The following MAGI2 variants were observed in gnomAD, a reference collection of about 807,000 sequenced individuals.
MAGI2 encodes the protein membrane-associated guanylate kinase, WW and PDZ domain-containing protein 2.
Under a neutral mutation model 133.3 loss-of-function variants are expected in MAGI2, and 35 were observed. The ratio of observed to expected loss-of-function variants is 0.26; its 90% CI spans 0.20 to 0.35. The LOEUF is 0.35. MAGI2 is among the 10% of genes least tolerant of loss of function. The probability of loss-of-function intolerance (pLI) is 1.00; values close to 1 mark genes in which losing one functional copy is unlikely to be tolerated. For missense variants in MAGI2, 1,636 were observed against 1,863.4 expected (o/e 0.88, Z 2.25); for synonymous variants, 729 against 710.6 (o/e 1.03, Z -0.41).
At chr7:78,932,320 A>T (rs1318811724) in intron 2 of MAGI2, among the ~76,000 whole-genome samples, 2 of 152,130 alleles carry the variant, frequency 1.3e-5, no homozygotes, top group African/African-American at 4.8e-5. Context: ...TAATAAGAAA[A>T]AGAGGAAGCA....
intron 1 of MAGI2, among the ~76,000 whole-genome samples, chr7:79,083,238 T>C (rs1816202610): frequency 6.6e-6 from 1 of 151,614 alleles, no homozygotes; most frequent in South Asian, 2.1e-4. Flanking sequence ...GGTATGAGCA[T>C]ACATATTTGT....
intron 1 of MAGI2, among the ~76,000 whole-genome samples, chr7:79,047,531 G>A (rs1007657457): frequency 8.6e-5 from 13 of 151,978 alleles, no homozygotes; most frequent in African/African-American, 3.1e-4. Context: ...AAATATGTGT[G>A]TATGTCTCTG....
intron 2 of MAGI2, among the ~76,000 whole-genome samples, chr7:78,661,165 TA>T (rs1177543276): frequency 6.6e-6 from 1 of 152,238 alleles, no homozygotes; most frequent in East Asian, 1.9e-4. Flanking sequence ...TCACATTTTT[TA>T]TAAGAGTAGA....
chr7:79,102,972 T>A (rs1818120236), intron 1 of MAGI2, among the ~76,000 whole-genome samples: 1 of 152,208 alleles, frequency 6.6e-6, no homozygotes. Context: ...GGGTTGAGGC[T>A]TCCCTGTGGG....
intron 6 of MAGI2, among the ~76,000 whole-genome samples, chr7:78,458,868 T>C (rs985743342): frequency 5.3e-5 from 8 of 152,190 alleles, no homozygotes; most frequent in Admixed American, 2.0e-4. Flanking sequence ...TCTCCTGACC[T>C]CGTGATCCGC....
chr7:78,770,617 ACAT>A (rs1825490656), intron 2 of MAGI2, among the ~76,000 whole-genome samples: 1 of 152,188 alleles, frequency 6.6e-6, no homozygotes, highest in Admixed American at 6.5e-5. Flanking sequence ...TCAGAAGGAG[ACAT>A]CATGATGGCT....
At chr7:78,992,296 A>G (rs17405497) in intron 2 of MAGI2, among the ~76,000 whole-genome samples, 6,103 of 152,086 alleles carry the variant, frequency 0.04, 168 homozygotes, top group Non-Finnish European at 0.061. Context: ...ATACATCCCT[A>G]GAGAATAGGA....
chr7:78,817,100 G>A (rs562214573), intron 2 of MAGI2, among the ~76,000 whole-genome samples: 1 of 152,248 alleles, frequency 6.6e-6, no homozygotes, highest in East Asian at 1.9e-4. Context: ...ATGACTTTTA[G>A]GGGTTCAAGA....
intron 1 of MAGI2, among the ~76,000 whole-genome samples, chr7:79,254,119 T>C: frequency 9.4e-6 from 1 of 106,344 alleles, no homozygotes; most frequent in Non-Finnish European, 2.0e-5. Context: ...CTTGGTGTTA[T>C]GTTATGTGAG....
intron 2 of MAGI2, among the ~76,000 whole-genome samples, chr7:78,706,842 A>G (rs1353189254): frequency 1.3e-5 from 2 of 152,054 alleles, no homozygotes; most frequent in Non-Finnish European, 2.9e-5. Context: ...AGGGCATTAG[A>G]AATGGGAAAA....
intron 2 of MAGI2, among the ~76,000 whole-genome samples, chr7:78,962,544 G>A (rs1229482121): frequency 6.9e-6 from 1 of 145,774 alleles, no homozygotes; most frequent in African/African-American, 2.5e-5. Context: ...GGTACATGCT[G>A]TGCTATAACA....
At chr7:79,227,632 T>C (rs531469224) in intron 1 of MAGI2, among the ~76,000 whole-genome samples, 1 of 152,344 alleles carries the variant, frequency 6.6e-6, no homozygotes, top group African/African-American at 2.4e-5. Flanking sequence ...CTGATACACA[T>C]AGCTAATTTT....
At chr7:79,078,556 A>G (rs2129541719) in intron 1 of MAGI2, among the ~76,000 whole-genome samples, 1 of 152,302 alleles carries the variant, frequency 6.6e-6, no homozygotes, top group Admixed American at 6.5e-5. Context: ...TTGGCTCACA[A>G]TACTTTCTCT....
chr7:79,173,293 C>A (rs1482112760), intron 1 of MAGI2, among the ~76,000 whole-genome samples: 2 of 151,722 alleles, frequency 1.3e-5, no homozygotes, highest in Non-Finnish European at 2.9e-5. Context: ...AAAATGACTT[C>A]ATTTCCCAAA....
intron 1 of MAGI2, among the ~76,000 whole-genome samples, chr7:79,135,577 G>T (rs1170640299): frequency 6.6e-6 from 1 of 152,050 alleles, no homozygotes; most frequent in Non-Finnish European, 1.5e-5. Flanking sequence ...TGCTTCCCCT[G>T]CCTGTTGCTA....
chr7:78,291,675 A>C (rs1397814004), intron 9 of MAGI2, among the ~76,000 whole-genome samples: 3 of 152,310 alleles, frequency 2.0e-5, no homozygotes, highest in East Asian at 1.9e-4. Flanking sequence ...TCGATGCAAA[A>C]ATCCTCAATA....
At chr7:78,750,689 T>C (rs1385972894) in intron 2 of MAGI2, among the ~76,000 whole-genome samples, 1 of 152,096 alleles carries the variant, frequency 6.6e-6, no homozygotes, top group Non-Finnish European at 1.5e-5. Context: ...AGAACAGATA[T>C]GGTGGGCTAG....
At chr7:78,661,018 G>C (rs773203877) in intron 2 of MAGI2, among the ~76,000 whole-genome samples, 1 of 152,008 alleles carries the variant, frequency 6.6e-6, no homozygotes, top group African/African-American at 2.4e-5. Context: ...GTCCACTCCC[G>C]TCGTTCTATT....
chr7:79,018,172 A>T (rs1808926320), intron 1 of MAGI2, among the ~76,000 whole-genome samples: 1 of 152,052 alleles, frequency 6.6e-6, no homozygotes, highest in Admixed American at 6.5e-5. Context: ...CTAACCTACA[A>T]GGGGAACCCC....
Sources: allele counts gnomAD v4.1 joint callset (sites outside exome capture counted in the v4.1 genomes callset), GRCh38; gene constraint gnomAD v4.1.1; transcripts MANE v1.5; gene names NCBI Gene and HGNC (gene_info 2026-07-23, HGNC 2026-07-21).